BRCA1: variants seen among roughly 807,000 people sequenced by gnomAD.
BRCA1 encodes the protein breast cancer type 1 susceptibility protein.
A neutral mutation model predicts 173.7 loss-of-function variants in BRCA1; 140 were observed. That is an observed-to-expected ratio of 0.81 (90% CI 0.70 to 0.93). The LOEUF (loss-of-function observed/expected upper bound fraction) is 0.93. Among genes scored for constraint, BRCA1 ranks in the 40% least tolerant of loss-of-function variants. The pLI is 0.00. For synonymous variants in BRCA1, 662 were observed against 756.0 expected (o/e 0.88, Z 2.04); for missense variants, 1,983 against 2,172.5 (o/e 0.91, Z 1.73).
At chr17:43,087,339 T>C (rs1051718830) in intron 11 of BRCA1, among the ~76,000 whole-genome samples, 1 of 152,102 alleles carries the variant, frequency 6.6e-6, no homozygotes, top group African/African-American at 2.4e-5. Flanking sequence ...GAATCCCATA[T>C]AGTAATTAAA....
intron 6 of BRCA1, among the ~76,000 whole-genome samples, chr17:43,101,055 T>C (rs368590929): frequency 2.0e-5 from 3 of 150,712 alleles, no homozygotes; most frequent in East Asian, 2.0e-4. Flanking sequence ...AAAGGATAAA[T>C]GATGACAATA....
chr17:43,045,720 C>G lies in BRCA1; in HGVS notation c.5550G>C (p.Leu1850=), dbSNP rs786201502. The G allele has an allele frequency of 2.4e-5, 38 of 1,613,880 alleles. No homozygotes were observed. Among genetic ancestry groups the G allele is most frequent in the Non-Finnish European group, 3.1e-5 (36 of 1,179,934 alleles). Residue 1850 remains leucine, a synonymous_variant, in exon 23 of 23, where the codon CTG becomes CTC. Coordinates refer to ENST00000357654, the MANE Select transcript of BRCA1 (RefSeq NM_007294.4). ...GGATCTGGGGTATCAGGTAGGTGTC[C>G]AGCTCCTGGCACTGGTAGAGTGCTA... is the stretch of plus-strand genomic sequence containing the variant. ...DSVALYQCQE[L]DTYLIPQIPH... is the part of the protein sequence containing the mutation.
intron 1 of BRCA1, chr17:43,166,417 C>T (rs2056268923): frequency 1.3e-5 from 2 of 152,124 alleles, no homozygotes; most frequent in Non-Finnish European, 1.5e-5. Context: ...TTGTGCCATA[C>T]CTTTGAAACA....
Position 43,071,348 on chromosome 17 carries a change from T to A in BRCA1, c.4676-110A>T, listed in dbSNP as rs1227269868. On this transcript the variant is annotated intron_variant, in intron 14 of 22. Coordinates refer to ENST00000357654, the MANE Select transcript of BRCA1 (RefSeq NM_007294.4). ...CAATAAAGTTAGGTTAAGAGAAAAA[T>A]GGGTACATGAATACAGTGTTGGTGG... 3.2e-6 allele frequency: 4 copies of A among 1,235,798 alleles called. No homozygotes were observed. The African/African-American group carries it at 4.5e-5, about 14-fold the overall frequency. The allele number at this position is 1,235,798 out of a possible 1,614,324, so 76.6% of individuals were successfully genotyped here. A position where few individuals can be genotyped will look rare whatever the true frequency, so the allele number is the denominator to read the frequency against.
rs772578738 is a variant in BRCA1, at chr17:43,076,467, C to A, written c.4484+21G>T. 4 of 1,612,606 alleles carry A rather than the reference C, an allele frequency of 2.5e-6. No homozygotes were observed. The Admixed American group carries it at 5.0e-5, about 20-fold the overall frequency. On this transcript the variant is annotated intron_variant, in intron 13 of 22. Coordinates refer to ENST00000357654, the MANE Select transcript of BRCA1 (RefSeq NM_007294.4). ...ATAAAGATGTCAGATACCACAGCAT[C>A]TTTACATTGATGTTTCTTACCTTTC...
intron 1 of BRCA1, chr17:43,166,331 T>TG (rs1408844648): frequency 2.0e-5 from 3 of 151,950 alleles, no homozygotes; most frequent in African/African-American, 7.3e-5. Flanking sequence ...GTGTTGGGGG[T>TG]GGGGGGTCTA....
rs1024465566 is a variant in BRCA1, at chr17:43,049,225, G to C, written c.5333-31C>G. ...ATGGACATTTAGATGTAAAATCACT[G>C]CAGTAATCTGCATACTTAACCCAGG... On this transcript the variant is annotated intron_variant, in intron 20 of 22. Transcript: ENST00000357654. 2 of 1,594,812 alleles carry C rather than the reference G, an allele frequency of 1.3e-6. No individual in the cohort carries two copies. The highest frequency in any genetic ancestry group is 1.7e-6 in the Non-Finnish European group (2 of 1,162,714).
At chr17:43,146,958 G>T (rs1047608250) in intron 1 of BRCA1, among the ~76,000 whole-genome samples, 2 of 151,734 alleles carry the variant, frequency 1.3e-5, no homozygotes, top group African/African-American at 4.8e-5. Flanking sequence ...CCGCATCACT[G>T]TTGAAGATCT....
At chr17:43,126,668 G>T (rs2055884720), upstream of BRCA1, among the ~76,000 whole-genome samples, 1 of 152,258 alleles carries the variant, frequency 6.6e-6, no homozygotes, top group East Asian at 1.9e-4. Context: ...GGTTCAGAAT[G>T]CGAGGTGACA....
chr17:43,153,327 A>G (rs1018577231), intron 1 of BRCA1, among the ~76,000 whole-genome samples: 1 of 152,212 alleles, frequency 6.6e-6, no homozygotes, highest in Non-Finnish European at 1.5e-5. Flanking sequence ...TTAAAAATTA[A>G]CTGCCTGTTT....
intron 10 of BRCA1, 174 bp downstream of exon 10, chr17:43,091,261 T>C (rs2154262301): frequency 2.2e-6 from 2 of 907,920 alleles, no homozygotes; most frequent in Non-Finnish European, 3.5e-6. Context: ...ACGTCCTAGC[T>C]GTGTGAAGGA....
intron 3 of BRCA1, chr17:43,110,511 A>G (rs1393604714): frequency 2.3e-6 from 1 of 433,326 alleles, no homozygotes; most frequent in Non-Finnish European, 4.6e-6. Flanking sequence ...GCTTGAGCCT[A>G]GGAGGTCAAG....
chr17:43,065,797 G>A (rs1301331404), intron 16 of BRCA1, among the ~76,000 whole-genome samples: 1 of 152,170 alleles, frequency 6.6e-6, no homozygotes, highest in Admixed American at 6.5e-5. Context: ...CCATGCACTC[G>A]TCTGCTTTCT....
intron 13 of BRCA1, among the ~76,000 whole-genome samples, chr17:43,074,987 A>G (rs905446633): frequency 6.6e-6 from 1 of 150,700 alleles, no homozygotes; most frequent in Non-Finnish European, 1.5e-5. Flanking sequence ...GGAAGGGAGG[A>G]AGGAAAGAAA....
chr17:43,091,755 T>G lies in BRCA1; in HGVS notation c.3776A>C (p.Asn1259Thr), dbSNP rs483353090. The G allele has an allele frequency of 1.8e-5, 29 of 1,614,202 alleles. No individual in the cohort carries two copies. In the South Asian group the frequency reaches 3.2e-4, roughly 18 times the overall value. Residue 1259 changes from asparagine (N) to threonine (T), a missense_variant, in exon 10 of 23, where the codon AAT (asparagine) becomes ACT (threonine). Transcript: ENST00000357654. ...TECLSKNTEE[N>T]LLSLKNSLND... is the part of the protein sequence containing the mutation. ...TAAGCTATTCTTCAATGATAATAAATTCTCCTCTGTGTTCTTAGACAGACA... is the reference window on the plus strand; with the variant it reads ...TAAGCTATTCTTCAATGATAATAAAGTCTCCTCTGTGTTCTTAGACAGACA...
chr17:43,053,926 G>A (rs2051354474), intron 19 of BRCA1, among the ~76,000 whole-genome samples: 1 of 150,980 alleles, frequency 6.6e-6, no homozygotes, highest in South Asian at 2.1e-4. Flanking sequence ...CCAAGATCAC[G>A]CCATTGTACT....
intron 16 of BRCA1, among the ~76,000 whole-genome samples, chr17:43,064,456 T>C (rs1053478948): frequency 6.6e-6 from 1 of 152,218 alleles, no homozygotes; most frequent in South Asian, 2.1e-4. Flanking sequence ...CTGAGAGGGA[T>C]GGGAGAATAC....
At chr17:43,091,102 T>C (rs2154260629) in intron 10 of BRCA1, 70 bp from the exon 11 acceptor site, 1 of 1,378,824 alleles carries the variant, frequency 7.3e-7, no homozygotes, top group Non-Finnish European at 1.0e-6. Context: ...TGTGTCTTTT[T>C]CTTCTCATTG....
chr17:43,084,566 G>A (rs2053156103), intron 11 of BRCA1, among the ~76,000 whole-genome samples: 2 of 152,182 alleles, frequency 1.3e-5, no homozygotes, highest in Non-Finnish European at 2.9e-5. Flanking sequence ...TTCACTCTCC[G>A]TTTCTTCTTC....
Sources: allele counts gnomAD v4.1 joint callset (sites outside exome capture counted in the v4.1 genomes callset), GRCh38; gene constraint gnomAD v4.1.1; transcripts MANE v1.5; gene names NCBI Gene and HGNC (gene_info 2026-07-23, HGNC 2026-07-21).